Variants in ZMYM2 observed in about 807,000 individuals in gnomAD.
ZMYM2 encodes the protein zinc finger MYM-type protein 2.
Under a neutral mutation model 162.8 loss-of-function variants are expected in ZMYM2, and 56 were observed. That is an observed-to-expected ratio of 0.34 (90% CI 0.28 to 0.43). The LOEUF is 0.43. Among genes scored for constraint, ZMYM2 ranks in the 20% least tolerant of loss-of-function variants. The pLI is 1.00. For synonymous variants in ZMYM2, 510 were observed against 541.6 expected (o/e 0.94, Z 0.81); for missense variants, 1,275 against 1,621.8 (o/e 0.79, Z 3.67).
At chr13:19,942,286 ATTT>A in the ZMYM2 span, among the ~76,000 whole-genome samples, 151,645 of 151,838 alleles carry the variant, frequency 1, 75,727 homozygotes, top group Middle Eastern at 1. Context: ...AAAATTTTTA[ATTT>A]TAGTATGTAT....
the ZMYM2 span, among the ~76,000 whole-genome samples, chr13:19,883,782 C>A: frequency 6.6e-6 from 1 of 152,048 alleles, no homozygotes; most frequent in Non-Finnish European, 1.5e-5. Context: ...GAGCTGGAAT[C>A]TTTTAATTCT....
intron 2 of ZMYM2, among the ~76,000 whole-genome samples, chr13:19,961,926 A>C (rs765266676): frequency 1.3e-5 from 2 of 152,250 alleles, no homozygotes; most frequent in East Asian, 3.8e-4. Context: ...ATCCATTTAC[A>C]AAGTATTTTG....
intron 2 of ZMYM2, among the ~76,000 whole-genome samples, chr13:19,965,042 TAACC>T (rs1464576899): frequency 3.0e-5 from 4 of 135,290 alleles, no homozygotes; most frequent in African/African-American, 1.1e-4. Flanking sequence ...CATATGTAAC[TAACC>T]TGCACAATGT....
chr13:19,917,153 A>G, the ZMYM2 span, among the ~76,000 whole-genome samples: 2,652 of 151,902 alleles, frequency 0.017, 30 homozygotes, highest in Non-Finnish European at 0.022. Flanking sequence ...TAGTAGAGAC[A>G]GGGTTTCACT....
chr13:20,058,635 T>G lies in ZMYM2; in HGVS notation c.2554T>G (p.Cys852Gly). 6.2e-7 allele frequency: 1 copy of G among 1,613,844 alleles called. No individual in the cohort carries two copies. The highest frequency in any genetic ancestry group is 8.5e-7 in the Non-Finnish European group (1 of 1,179,794). ...NKEMKNKAVL[C>G]KPLTMTKATY... Reference sequence around the variant, plus strand: ...AGAGATGAAGAACAAAGCAGTTCTTTGCAAACCTTTAACAATGACAAAAGC... The same window carrying G: ...AGAGATGAAGAACAAAGCAGTTCTTGGCAAACCTTTAACAATGACAAAAGC... Residue 852 changes from cysteine to glycine, a missense_variant, in exon 15 of 25, where the codon TGC (cysteine) becomes GGC (glycine). Transcript: ENST00000610343.
At chr13:19,892,829 C>T in the ZMYM2 span, among the ~76,000 whole-genome samples, 81 of 151,520 alleles carry the variant, frequency 5.3e-4, no homozygotes, top group African/African-American at 1.9e-3. Flanking sequence ...ATTCTCCTGC[C>T]TCAGCCTCCT....
At chr13:19,977,274 G>A (rs575800722) in intron 2 of ZMYM2, among the ~76,000 whole-genome samples, 2 of 152,088 alleles carry the variant, frequency 1.3e-5, no homozygotes, top group South Asian at 2.1e-4. Flanking sequence ...TGCTGCTTTC[G>A]GCTCCCAAAG....
the ZMYM2 span, among the ~76,000 whole-genome samples, chr13:19,868,080 C>CT: frequency 6.6e-6 from 1 of 152,208 alleles, no homozygotes; most frequent in Non-Finnish European, 1.5e-5. Context: ...TAACATTTCT[C>CT]TTTTTCATAA....
chr13:20,088,896 G>A lies in ZMYM2; in HGVS notation c.*2882G>A, dbSNP rs1958414920. On this transcript the variant is annotated 3_prime_UTR_variant, in exon 25 of 25. Coordinates refer to ENST00000610343, the MANE Select transcript of ZMYM2 (RefSeq NM_197968.4). ...AAGTTTTGGTTTGCATTACTCTAAT[G>A]TGGGTTCATTTAATCTGAGATCTTA... is the stretch of plus-strand genomic sequence containing the variant. 5.1e-6 allele frequency: 1 copy of A among 196,964 alleles called. No homozygotes were observed. The highest frequency in any genetic ancestry group is 2.3e-5 in the African/African-American group (1 of 43,356). 12.2% of individuals were successfully genotyped at this position (196,964 alleles called of 1,614,324 possible).
the ZMYM2 span, among the ~76,000 whole-genome samples, chr13:19,915,627 C>T: frequency 6.6e-6 from 1 of 151,972 alleles, no homozygotes; most frequent in African/African-American, 2.4e-5. Flanking sequence ...CCTCAACCTC[C>T]CTAGTAGCTG....
At chr13:19,915,894 C>T in the ZMYM2 span, among the ~76,000 whole-genome samples, 5 of 148,412 alleles carry the variant, frequency 3.4e-5, no homozygotes, top group Non-Finnish European at 7.4e-5. Flanking sequence ...GAGTCTCACT[C>T]TGTTGCCCAG....
chr13:19,917,197 C>T, the ZMYM2 span, among the ~76,000 whole-genome samples: 14 of 152,138 alleles, frequency 9.2e-5, no homozygotes, highest in East Asian at 2.0e-4. Flanking sequence ...CTCCTGACCT[C>T]GTGATCCGCC....
chr13:20,086,136 AC>A lies in ZMYM2; in HGVS notation c.*123del. 1 of 924,226 alleles carries A rather than the reference AC, an allele frequency of 1.1e-6. No individual in the cohort carries two copies. Among genetic ancestry groups the A allele is most frequent in the Non-Finnish European group, 1.6e-6 (1 of 634,712 alleles). The allele number at this position is 924,226 out of a possible 1,614,324, so 57.3% of individuals were successfully genotyped here. A position where few individuals can be genotyped will look rare whatever the true frequency, so the allele number is the denominator to read the frequency against. Reference sequence around the variant, plus strand: ...TTTTGAGTTTTGTAGCAGTGTACCCACGCTGGGTATTACCATGTAAATAATC... The same window carrying A: ...TTTTGAGTTTTGTAGCAGTGTACCCAGCTGGGTATTACCATGTAAATAATC... On this transcript the variant is annotated 3_prime_UTR_variant, in exon 25 of 25. Transcript: ENST00000610343.
the ZMYM2 span, among the ~76,000 whole-genome samples, chr13:19,890,255 C>T: frequency 6.6e-6 from 1 of 151,700 alleles, no homozygotes; most frequent in Non-Finnish European, 1.5e-5. Flanking sequence ...CAGTCTCCAC[C>T]TCCCAGGCTC....
At chr13:20,057,658 T>G (rs1477205652) in intron 14 of ZMYM2, among the ~76,000 whole-genome samples, 1 of 152,196 alleles carries the variant, frequency 6.6e-6, no homozygotes, top group East Asian at 1.9e-4. Flanking sequence ...CAGTAGTGTA[T>G]TACACAAATA....
At chr13:19,950,720 T>C in the ZMYM2 span, among the ~76,000 whole-genome samples, 1 of 152,264 alleles carries the variant, frequency 6.6e-6, no homozygotes, top group African/African-American at 2.4e-5. Flanking sequence ...AAATTTAATT[T>C]GTCTAAAGTT....
At chr13:20,064,250 A>G (rs572515693) in intron 18 of ZMYM2, among the ~76,000 whole-genome samples, 161 of 152,100 alleles carry the variant, frequency 1.1e-3, no homozygotes, top group Non-Finnish European at 1.9e-3. Flanking sequence ...TTCATTTTAT[A>G]TATGTTTTTA....
At chr13:20,006,660 C>T in intron 6 of ZMYM2, 74 bp downstream of exon 6, 1 of 1,407,944 alleles carries the variant, frequency 7.1e-7, no homozygotes, top group Non-Finnish European at 9.8e-7. Flanking sequence ...TTTACTCTAA[C>T]AGTGTTTATT....
chr13:20,042,610 A>G (rs1954364283), intron 12 of ZMYM2, among the ~76,000 whole-genome samples: 1 of 152,164 alleles, frequency 6.6e-6, no homozygotes, highest in Non-Finnish European at 1.5e-5. Context: ...TGGAAGAAAG[A>G]AGGCACTCTG....
Sources: gnomAD v4.1 joint callset for allele counts (sites outside exome capture counted in the v4.1 genomes callset) on GRCh38, gnomAD v4.1.1 for gene constraint, MANE v1.5 for transcripts, NCBI Gene and HGNC (gene_info 2026-07-23, HGNC 2026-07-21) for gene names.